Variants in CHRM3 observed in about 807,000 individuals in gnomAD.
CHRM3 encodes muscarinic acetylcholine receptor M3.
CHRM3 carries 11 observed loss-of-function variants against 41.8 expected under a neutral mutation model. The observed-to-expected ratio is 0.26, with a 90% CI of 0.17 to 0.44. The LOEUF is 0.44. CHRM3 is among the 20% of genes least tolerant of loss of function. The pLI is 1.00. For synonymous variants in CHRM3, 297 were observed against 301.4 expected (o/e 0.99, Z 0.15); for missense variants, 571 against 745.4 (o/e 0.77, Z 2.72).
At chr1:239,745,541 C>T (rs1173541288) in intron 5 of CHRM3, among the ~76,000 whole-genome samples, 2 of 151,786 alleles carry the variant, frequency 1.3e-5, no homozygotes, top group African/African-American at 2.4e-5. Context: ...ATGTGCAGAG[C>T]GTGCAGGTTT....
chr1:239,897,471 C>T (rs1184906087), intron 6 of CHRM3, among the ~76,000 whole-genome samples: 1 of 152,170 alleles, frequency 6.6e-6, no homozygotes, highest in Non-Finnish European at 1.5e-5. Context: ...AGAATAACTT[C>T]CACAGTTATA....
At chr1:239,534,618 A>G (rs1658012902) in intron 2 of CHRM3, among the ~76,000 whole-genome samples, 1 of 152,234 alleles carries the variant, frequency 6.6e-6, no homozygotes, top group Non-Finnish European at 1.5e-5. Flanking sequence ...CAGAAAACAA[A>G]GACAAGTTGT....
chr1:239,581,927 G>T (rs909059628), intron 3 of CHRM3, among the ~76,000 whole-genome samples: 1 of 152,030 alleles, frequency 6.6e-6, no homozygotes, highest in African/African-American at 2.4e-5. Flanking sequence ...AATTATTTAT[G>T]GTATCATTAT....
intron 6 of CHRM3, among the ~76,000 whole-genome samples, chr1:239,834,152 A>T (rs976486341): frequency 3.0e-5 from 4 of 135,230 alleles, no homozygotes; most frequent in African/African-American, 9.3e-5. Context: ...TCCACATCAC[A>T]CACACACACA....
intron 5 of CHRM3, among the ~76,000 whole-genome samples, chr1:239,731,764 G>T (rs1663986311): frequency 6.6e-6 from 1 of 151,890 alleles, no homozygotes; most frequent in East Asian, 1.9e-4. Context: ...AACCATTTAT[G>T]ATCTATATAT....
chr1:239,455,775 A>G (rs1273398232), intron 1 of CHRM3, among the ~76,000 whole-genome samples: 1 of 152,222 alleles, frequency 6.6e-6, no homozygotes, highest in Admixed American at 6.5e-5. Flanking sequence ...TAATTTTATT[A>G]CTGAAAGAAG....
At chr1:239,741,948 T>C (rs1664891388) in intron 5 of CHRM3, among the ~76,000 whole-genome samples, 1 of 152,164 alleles carries the variant, frequency 6.6e-6, no homozygotes, top group African/African-American at 2.4e-5. Context: ...GCCCCATGCA[T>C]CGTATAGTTC....
At chr1:239,845,804 A>G (rs1041457213) in intron 6 of CHRM3, among the ~76,000 whole-genome samples, 1 of 152,254 alleles carries the variant, frequency 6.6e-6, no homozygotes, top group African/African-American at 2.4e-5. Context: ...ATGTTTATGT[A>G]TCATGGCCAG....
chr1:239,569,997 G>GT (rs1276579635), intron 3 of CHRM3, among the ~76,000 whole-genome samples: 2 of 152,086 alleles, frequency 1.3e-5, no homozygotes, highest in Admixed American at 6.6e-5. Flanking sequence ...GGATATTTAT[G>GT]TTTTTTTAAA....
chr1:239,796,017 T>C (rs923724120), intron 5 of CHRM3, among the ~76,000 whole-genome samples: 3 of 152,170 alleles, frequency 2.0e-5, no homozygotes, highest in African/African-American at 7.2e-5. Context: ...TCTTGGAGTC[T>C]TTTGGCTGAG....
intron 5 of CHRM3, among the ~76,000 whole-genome samples, chr1:239,807,792 C>A (rs888155156): frequency 6.6e-6 from 1 of 151,038 alleles, no homozygotes; most frequent in Non-Finnish European, 1.5e-5. Flanking sequence ...ACTGAGAGTA[C>A]ATGTAATTGA....
intron 1 of CHRM3, among the ~76,000 whole-genome samples, chr1:239,468,775 C>A (rs1356938013): frequency 2.6e-5 from 4 of 152,138 alleles, no homozygotes. Flanking sequence ...AAAACCATTG[C>A]AAGCATTCAG....
intron 3 of CHRM3, among the ~76,000 whole-genome samples, chr1:239,611,444 C>G (rs1667026422): frequency 1.0e-5 from 1 of 99,154 alleles, no homozygotes; most frequent in Admixed American, 1.5e-4. Context: ...TTTTTTGAGA[C>G]GGAGTCTCAC....
intron 5 of CHRM3, among the ~76,000 whole-genome samples, chr1:239,813,042 G>C (rs2148992276): frequency 6.6e-6 from 1 of 152,322 alleles, no homozygotes; most frequent in East Asian, 1.9e-4. Flanking sequence ...CACTTTGGGA[G>C]GCCAAGGCAG....
chr1:239,489,087 G>T (rs922187326), intron 1 of CHRM3, among the ~76,000 whole-genome samples: 1 of 152,114 alleles, frequency 6.6e-6, no homozygotes, highest in African/African-American at 2.4e-5. Flanking sequence ...AGAAAGGCAG[G>T]ATAAAAATTG....
rs1477611710 is a variant in CHRM3 at position 239,911,510 on chromosome 1, T to C, written c.*2286T>C. On this transcript the variant is annotated 3_prime_UTR_variant, in exon 7 of 7. Transcript: ENST00000676153. Reference sequence around the variant, plus strand: ...CACTTCCCATCCTTTTGGAAACTCCTATCTTGCCTCCCTCCCAAAAGGGCT... The same window carrying C: ...CACTTCCCATCCTTTTGGAAACTCCCATCTTGCCTCCCTCCCAAAAGGGCT... 1.2e-5 allele frequency: 2 copies of C among 166,564 alleles called. No individual in the cohort carries two copies. The highest frequency in any genetic ancestry group is 2.1e-4 in the South Asian group (1 of 4,800). The allele number at this position is 166,564 out of a possible 1,614,324, so 10.3% of individuals were successfully genotyped here.
chr1:239,399,879 G>A (rs1659818572), intron 1 of CHRM3, among the ~76,000 whole-genome samples: 1 of 151,938 alleles, frequency 6.6e-6, no homozygotes, highest in Non-Finnish European at 1.5e-5. Context: ...GGATTGCTGG[G>A]TCCTATGGTA....
At chr1:239,891,302 C>T (rs2102944263) in intron 6 of CHRM3, among the ~76,000 whole-genome samples, 1 of 152,292 alleles carries the variant, frequency 6.6e-6, no homozygotes, top group African/African-American at 2.4e-5. Flanking sequence ...CAGCATTCAA[C>T]CTGCACTTAA....
chr1:239,591,055 A>C (rs1443514096), intron 3 of CHRM3, among the ~76,000 whole-genome samples: 3 of 152,202 alleles, frequency 2.0e-5, no homozygotes, highest in Non-Finnish European at 2.9e-5. Flanking sequence ...AACACATGGG[A>C]AACATAATAG....
Sources: gnomAD v4.1 joint callset for allele counts (sites outside exome capture counted in the v4.1 genomes callset) on GRCh38, gnomAD v4.1.1 for gene constraint, MANE v1.5 for transcripts, NCBI Gene and HGNC (gene_info 2026-07-23, HGNC 2026-07-21) for gene names.